The following SIDT1 variants were observed in gnomAD, a reference collection of about 807,000 sequenced individuals.
SIDT1 encodes the protein SID1 transmembrane family, member 1.
A neutral mutation model predicts 107.5 loss-of-function variants in SIDT1; 101 were observed. That is an observed-to-expected ratio of 0.94 (90% CI 0.80 to 1.11). The LOEUF (loss-of-function observed/expected upper bound fraction) is 1.11, where lower values mean the gene tolerates loss of function less well. SIDT1 is among the 50% of genes least tolerant of loss of function. The probability of loss-of-function intolerance (pLI) is 0.00; values close to 1 mark genes in which losing one functional copy is unlikely to be tolerated. For missense variants in SIDT1, 1,076 were observed against 1,058.2 expected, an observed-to-expected ratio of 1.02 and a Z score of -0.23; for synonymous variants, 395 against 398.2, an observed-to-expected ratio of 0.99 and a Z score of 0.10.
intron 4 of SIDT1, among the ~76,000 whole-genome samples, chr3:113,579,555 A>G (rs928769827): frequency 6.6e-6 from 1 of 152,160 alleles, no homozygotes; most frequent in Non-Finnish European, 1.5e-5. Flanking sequence ...TAGACTTCCA[A>G]CTGTATCATT....
At chr3:113,633,137 G>A (rs1947104096), downstream of SIDT1, 1 of 152,134 alleles carries the variant, frequency 6.6e-6, no homozygotes, top group African/African-American at 2.4e-5. Context: ...TGGTTCTGGA[G>A]GCCTCCCTAA....
chr3:113,611,487 A>T (rs543007740), intron 18 of SIDT1, among the ~76,000 whole-genome samples: 1 of 152,254 alleles, frequency 6.6e-6, no homozygotes, highest in East Asian at 1.9e-4. Context: ...GCCCACCACC[A>T]CGCCTGGCTA....
chr3:113,626,011 T>C (rs1946824302), intron 23 of SIDT1, 91 bp from the exon 24 acceptor site: 1 of 850,074 alleles, frequency 1.2e-6, no homozygotes, highest in South Asian at 1.4e-5. Context: ...ACCAGACATC[T>C]AGTAGCGTTT....
At chr3:113,597,370 A>G (rs1407410980) in intron 10 of SIDT1, among the ~76,000 whole-genome samples, 1 of 151,840 alleles carries the variant, frequency 6.6e-6, no homozygotes, top group Non-Finnish European at 1.5e-5. Context: ...GGTGGCATGT[A>G]CCTGTAGTCC....
chr3:113,619,981 T>C (rs1946349235), intron 21 of SIDT1: 1 of 352,170 alleles, frequency 2.8e-6, no homozygotes, highest in Non-Finnish European at 5.3e-6. Context: ...GTGGATACAT[T>C]GGATAGAAAG....
In SIDT1 at chr3:113,601,660, G is replaced by C. The variant is rs1366233164; in HGVS notation, c.1117+1G>C. 1 of 1,603,976 alleles carries C rather than the reference G, an allele frequency of 6.2e-7. No individual in the cohort carries two copies. Among genetic ancestry groups the C allele is most frequent in the Non-Finnish European group, 8.5e-7 (1 of 1,171,030 alleles). ...GAAGGGAGCAATTATGGGACAATAG[G>C]TATGTCCTACCAGGTCTGTTCATGA... On this transcript the variant is annotated splice_donor_variant, in intron 11 of 24. Coordinates refer to ENST00000264852, the MANE Select transcript of SIDT1 (RefSeq NM_017699.3). LOFTEE classifies it high-confidence loss of function.
intron 1 of SIDT1, among the ~76,000 whole-genome samples, chr3:113,550,857 A>G (rs969121092): frequency 1.3e-5 from 2 of 151,964 alleles, no homozygotes; most frequent in Non-Finnish European, 2.9e-5. Context: ...AGATTATTTT[A>G]TCACTCAACT....
chr3:113,611,426 G>A (rs904202302), intron 18 of SIDT1, among the ~76,000 whole-genome samples: 1 of 152,168 alleles, frequency 6.6e-6, no homozygotes, highest in Non-Finnish European at 1.5e-5. Context: ...CCACCTCCCG[G>A]GTTCAAGCGA....
intron 1 of SIDT1, among the ~76,000 whole-genome samples, chr3:113,546,076 G>T (rs1939548500): frequency 6.6e-6 from 1 of 152,236 alleles, no homozygotes; most frequent in African/African-American, 2.4e-5. Flanking sequence ...TACTGGGGAA[G>T]AGCATGGGGT....
intron 20 of SIDT1, 55 bp downstream of exon 20, chr3:113,616,231 A>C (rs1946095368): frequency 7.3e-7 from 1 of 1,365,186 alleles, no homozygotes; most frequent in Non-Finnish European, 1.0e-6. Flanking sequence ...GGGGAATAGT[A>C]GGAGGAACAG....
chr3:113,603,015 C>G lies in SIDT1; in HGVS notation c.1128C>G (p.Ser376Arg), dbSNP rs1185243445. 3 of 1,613,978 alleles carry G rather than the reference C, an allele frequency of 1.9e-6. No homozygotes were observed. The highest frequency in any genetic ancestry group is 2.5e-6 in the Non-Finnish European group (3 of 1,179,942). The stretch of plus-strand genomic sequence containing the variant: ...TTGTCTCTGTTTCAGATGAGTCAAG[C>G]TCCAGTCCTGGAAGGCAGATGTCCT... Reference protein sequence around the residue: ...GSNYGTIDESSSSPGRQMSSS... With the variant: ...GSNYGTIDESRSSPGRQMSSS... Residue 376 changes from serine to arginine, a missense_variant, in exon 12 of 25, where the codon AGC (serine) becomes AGG (arginine). Transcript: ENST00000264852.
chr3:113,618,113 C>T (rs1159853351), intron 20 of SIDT1, among the ~76,000 whole-genome samples: 1 of 152,178 alleles, frequency 6.6e-6, no homozygotes, highest in Non-Finnish European at 1.5e-5. Context: ...TCCTCACAAC[C>T]ACTAATCTTT....
chr3:113,534,075 CAGAG>C (rs753308949), intron 1 of SIDT1, among the ~76,000 whole-genome samples: 2 of 152,006 alleles, frequency 1.3e-5, no homozygotes, highest in African/African-American at 2.4e-5. Context: ...GAGAGGGAGA[CAGAG>C]AGAGAAAGAG....
At chr3:113,533,387 G>C in intron 1 of SIDT1, 144 bp downstream of exon 1, 1 of 610,470 alleles carries the variant, frequency 1.6e-6, no homozygotes, top group Non-Finnish European at 2.5e-6. Context: ...CGAAGCAATC[G>C]CTGCCCTGCC....
chr3:113,601,286 A>T (rs1944938658), intron 10 of SIDT1: 1 of 231,298 alleles, frequency 4.3e-6, no homozygotes. Flanking sequence ...AGTAGAACTT[A>T]TACATAAATA....
intron 10 of SIDT1, among the ~76,000 whole-genome samples, chr3:113,594,278 T>C (rs776002574): frequency 7.2e-5 from 11 of 152,208 alleles, no homozygotes; most frequent in African/African-American, 1.4e-4. Context: ...CAGCTGTCAA[T>C]ATAAAAGACT....
chr3:113,585,892 C>T (rs1420549948), intron 9 of SIDT1, among the ~76,000 whole-genome samples: 2 of 152,202 alleles, frequency 1.3e-5, no homozygotes, highest in Admixed American at 6.5e-5. Flanking sequence ...TTCCTTCCCT[C>T]TCTCAGCGGG....
chr3:113,553,960 T>A (rs1940563458), intron 1 of SIDT1, among the ~76,000 whole-genome samples: 1 of 152,152 alleles, frequency 6.6e-6, no homozygotes, highest in Non-Finnish European at 1.5e-5. Context: ...GGCAGGAGAA[T>A]CGCTTGAACC....
chr3:113,581,518 C>T, intron 6 of SIDT1, 74 bp downstream of exon 6: 1 of 1,200,664 alleles, frequency 8.3e-7, no homozygotes, highest in South Asian at 1.2e-5. Flanking sequence ...GGGCCAGCAT[C>T]CAAAAGGGAT....
Sources: gnomAD v4.1 joint callset for allele counts (sites outside exome capture counted in the v4.1 genomes callset) on GRCh38, gnomAD v4.1.1 for gene constraint, MANE v1.5 for transcripts, NCBI Gene and HGNC (gene_info 2026-07-23, HGNC 2026-07-21) for gene names.